EIF2AK2: variants seen among roughly 807,000 people sequenced by gnomAD.
EIF2AK2 encodes the protein eukaryotic translation initiation factor 2 alpha kinase 2, also known as interferon-induced, double-stranded RNA-activated protein kinase.
A neutral mutation model predicts 70.5 loss-of-function variants in EIF2AK2; 40 were observed. That is an observed-to-expected ratio of 0.57 (90% CI 0.44 to 0.74). EIF2AK2 has a LOEUF of 0.74. EIF2AK2 is among the 30% of genes least tolerant of loss of function. The probability of loss-of-function intolerance (pLI) is 0.00; values close to 1 mark genes in which losing one functional copy is unlikely to be tolerated. For synonymous variants in EIF2AK2, 198 were observed against 220.9 expected, an observed-to-expected ratio of 0.90 and a Z score of 0.92; for missense variants, 555 against 644.3, an observed-to-expected ratio of 0.86 and a Z score of 1.50.
At chr2:37,145,718 T>C (rs554827455) in intron 4 of EIF2AK2, among the ~76,000 whole-genome samples, 1 of 149,878 alleles carries the variant, frequency 6.7e-6, no homozygotes, top group South Asian at 2.1e-4. Flanking sequence ...GGTATGTGCC[T>C]TATATGGGTG....
In EIF2AK2 at chr2:37,107,492, A is replaced by G. The variant is rs369882466; in HGVS notation, c.1515T>C (p.Asp505=). The G allele has an allele frequency of 3.7e-6, 6 of 1,612,892 alleles. No homozygotes were observed. The highest frequency in any genetic ancestry group is 5.1e-6 in the Non-Finnish European group (6 of 1,179,794). The change falls in exon 16 of 17, where the codon GAT becomes GAC. Residue 505 remains aspartate (D), a synonymous_variant. Coordinates refer to ENST00000233057, the MANE Select transcript of EIF2AK2 (RefSeq NM_001135651.3). ...FTDLRDGIIS[D]IFDKKEKTLL... ...TGCTTACTTCTTTTTTATCAAATATATCTGAGATGATGCCATCCCGTAGGT... is the reference window on the plus strand; with the variant it reads ...TGCTTACTTCTTTTTTATCAAATATGTCTGAGATGATGCCATCCCGTAGGT...
chr2:37,122,250 G>C (rs892903463), intron 12 of EIF2AK2, among the ~76,000 whole-genome samples: 1 of 152,194 alleles, frequency 6.6e-6, no homozygotes, highest in African/African-American at 2.4e-5. Context: ...AATGGAGTCA[G>C]GAAAGCTGAA....
chr2:37,155,950 A>C (rs74698719), intron 1 of EIF2AK2, among the ~76,000 whole-genome samples: 1 of 138,980 alleles, frequency 7.2e-6, no homozygotes, highest in Non-Finnish European at 1.5e-5. Flanking sequence ...AAAAAAAAAA[A>C]AAAAGAAAAG....
In EIF2AK2 at chr2:37,148,770, A is replaced by C. The variant is rs1045786759; in HGVS notation, c.-17+87T>G. 375 of 822,806 alleles carry C rather than the reference A, an allele frequency of 4.6e-4. 1 individual carries two copies. The highest frequency in any genetic ancestry group is 8.4e-5 in the Non-Finnish European group (39 of 463,438). The allele number at this position is 822,806 out of a possible 1,614,324, so 51.0% of individuals were successfully genotyped here. ...TCGTGTTGTGACCCATTTAACATAC[A>C]CAAAAAACTAGCCCCCCAGAATTTG... On this transcript the variant is annotated intron_variant, in intron 2 of 16. Transcript: ENST00000233057.
At chr2:37,129,031 C>T (rs776799708) in intron 10 of EIF2AK2, among the ~76,000 whole-genome samples, 5 of 152,060 alleles carry the variant, frequency 3.3e-5, no homozygotes, top group Non-Finnish European at 7.4e-5. Flanking sequence ...CTTTTCTCTA[C>T]CTCCAATTTA....
rs552487984 is a variant in EIF2AK2 at position 37,104,814 on chromosome 2, C to G, written c.*2459G>C. ...CTCATGATTAAATTCCAGTTTAACA[C>G]TTTGTGCAAGAAAACTAAATAGGTA... On this transcript the variant is annotated 3_prime_UTR_variant, in exon 17 of 17. Coordinates refer to ENST00000233057, the MANE Select transcript of EIF2AK2 (RefSeq NM_001135651.3). 1.3e-5 allele frequency: 2 copies of G among 151,764 alleles called. No homozygotes were observed. Among genetic ancestry groups the G allele is most frequent in the Non-Finnish European group, 2.9e-5 (2 of 67,986 alleles). 9.4% of individuals were successfully genotyped at this position (151,764 alleles called of 1,614,324 possible). A position where few individuals can be genotyped will look rare whatever the true frequency, so the allele number is the denominator to read the frequency against.
intron 13 of EIF2AK2, among the ~76,000 whole-genome samples, chr2:37,115,581 A>C (rs1054645199): frequency 6.6e-6 from 1 of 152,154 alleles, no homozygotes; most frequent in African/African-American, 2.4e-5. Context: ...CCCCATCCCA[A>C]GATAGGGCTG....
At chr2:37,107,584 AG>A in intron 15 of EIF2AK2, 57 bp from the exon 16 acceptor site, 1 of 1,549,826 alleles carries the variant, frequency 6.5e-7, no homozygotes, top group Non-Finnish European at 8.7e-7. Context: ...GAGGAAAGAC[AG>A]AACTAAAGGC....
chr2:37,140,528 G>A (rs377754760), intron 5 of EIF2AK2, among the ~76,000 whole-genome samples: 5 of 151,876 alleles, frequency 3.3e-5, no homozygotes, highest in Admixed American at 6.6e-5. Context: ...AGTCTTCCCC[G>A]CTAGACCCTG....
At chr2:37,155,351 G>A (rs1675885728) in intron 1 of EIF2AK2, among the ~76,000 whole-genome samples, 1 of 152,262 alleles carries the variant, frequency 6.6e-6, no homozygotes, top group South Asian at 2.1e-4. Flanking sequence ...ACAGGTAAGG[G>A]ACCAGGCTCA....
At chr2:37,118,243 G>T (rs1040988845) in intron 13 of EIF2AK2, among the ~76,000 whole-genome samples, 38 of 152,214 alleles carry the variant, frequency 2.5e-4, no homozygotes, top group African/African-American at 8.7e-4. Context: ...GAGCCCAGGA[G>T]GTCAAGGCTG....
intron 12 of EIF2AK2, among the ~76,000 whole-genome samples, chr2:37,120,686 G>C (rs1015167226): frequency 2.0e-5 from 3 of 149,462 alleles, no homozygotes; most frequent in Non-Finnish European, 4.5e-5. Flanking sequence ...AGCTGGGCTG[G>C]GCACGGTGGC....
At chr2:37,138,245 G>A in intron 8 of EIF2AK2, 25 bp downstream of exon 8, 1 of 1,531,784 alleles carries the variant, frequency 6.5e-7, no homozygotes, top group Admixed American at 1.9e-5. Context: ...AGATTAAGTA[G>A]GAAGCTTCGA....
intron 13 of EIF2AK2, among the ~76,000 whole-genome samples, chr2:37,118,873 T>C (rs1674436956): frequency 6.6e-6 from 1 of 152,248 alleles, no homozygotes; most frequent in Non-Finnish European, 1.5e-5. Flanking sequence ...TCATTCCTTA[T>C]TCCTTGCTGT....
intron 3 of EIF2AK2, 100 bp from the exon 4 acceptor site, chr2:37,147,073 G>A (rs1675571588): frequency 2.6e-6 from 3 of 1,143,116 alleles, no homozygotes; most frequent in Non-Finnish European, 3.6e-6. Context: ...ACCTTTGAGG[G>A]TTTGAACCTA....
chr2:37,148,752 G>T (rs1484461829), intron 2 of EIF2AK2, 105 bp downstream of exon 2: 4 of 836,334 alleles, frequency 4.8e-6, no homozygotes, highest in Non-Finnish European at 8.4e-6. Context: ...AAGTCGTGTT[G>T]TGACCCATTT....
chr2:37,102,490 C>A lies in EIF2AK2; in HGVS notation c.*4783G>T, dbSNP rs1199800686. 2 of 151,948 alleles carry A rather than the reference C, an allele frequency of 1.3e-5. No individual in the cohort carries two copies. The highest frequency in any genetic ancestry group is 6.5e-5 in the Admixed American group (1 of 15,274). The allele number at this position is 151,948 out of a possible 1,614,324, so 9.4% of individuals were successfully genotyped here. A position where few individuals can be genotyped will look rare whatever the true frequency, so the allele number is the denominator to read the frequency against. On this transcript the variant is annotated 3_prime_UTR_variant, in exon 17 of 17. Transcript: ENST00000233057. Reference sequence around the variant, plus strand: ...TATGGTGAACACTCAGTGGGGACTGCATATTGTGAGTTATGTCTCTAGTTA... The same window carrying A: ...TATGGTGAACACTCAGTGGGGACTGAATATTGTGAGTTATGTCTCTAGTTA...
rs560343157 is a variant in EIF2AK2 at position 37,140,607 on chromosome 2, C to A, written c.390-850G>T. ...CTATTTTTTTCAGATACTGCCCCCC[C>A]CCGCAAACAGATTTCTTCTTTCTTT... On this transcript the variant is annotated intron_variant, in intron 5 of 16. Transcript: ENST00000233057. 1.6e-3 allele frequency among the ~76,000 whole-genome samples: 239 copies of A among 151,846 alleles called. 1 individual carries two copies. The highest frequency in any genetic ancestry group is 4.0e-3 in the African/African-American group (166 of 41,348).
At chr2:37,141,312 A>G (rs547781650) in intron 5 of EIF2AK2, among the ~76,000 whole-genome samples, 2 of 152,336 alleles carry the variant, frequency 1.3e-5, no homozygotes, top group African/African-American at 4.8e-5. Context: ...TAAACCATCC[A>G]GCTACTTCTC....
Sources: gnomAD v4.1 joint callset for allele counts (sites outside exome capture counted in the v4.1 genomes callset) on GRCh38, gnomAD v4.1.1 for gene constraint, MANE v1.5 for transcripts, NCBI Gene and HGNC (gene_info 2026-07-23, HGNC 2026-07-21) for gene names.